MACROD1: variants seen among roughly 807,000 people sequenced by gnomAD.
The protein encoded by MACROD1 is ADP-ribose glycohydrolase MACROD1.
In MACROD1, 31 loss-of-function variants were observed where a neutral mutation model predicts 41.4. The observed-to-expected ratio is 0.75, with a 90% CI of 0.56 to 1.01. The LOEUF (loss-of-function observed/expected upper bound fraction) is 1.01, where lower values mean the gene tolerates loss of function less well. MACROD1 is among the 50% of genes least tolerant of loss of function. The pLI is 0.00. For synonymous variants in MACROD1, 252 were observed against 203.4 expected (o/e 1.24, Z -2.03); for missense variants, 473 against 460.0 (o/e 1.03, Z -0.26).
intron 3 of MACROD1, among the ~76,000 whole-genome samples, chr11:64,093,759 G>A (rs529126444): frequency 3.2e-4 from 49 of 152,322 alleles, no homozygotes; most frequent in Middle Eastern, 3.4e-3. Flanking sequence ...GTGTCTCTAA[G>A]AGCCCAGAAC....
intron 3 of MACROD1, among the ~76,000 whole-genome samples, chr11:64,143,753 T>TACACACACACAC (rs55995667): frequency 0.02 from 2,063 of 101,612 alleles, 173 homozygotes; most frequent in East Asian, 0.054. Flanking sequence ...GACACACACA[T>TACACACACACAC]ACACACACAC....
chr11:64,055,502 C>T (rs1466733015), intron 3 of MACROD1, among the ~76,000 whole-genome samples: 2 of 152,146 alleles, frequency 1.3e-5, no homozygotes, highest in African/African-American at 4.8e-5. Flanking sequence ...GCTCCCCTGC[C>T]CCATTAGGGG....
At chr11:64,093,094 A>AC (rs1944518873) in intron 3 of MACROD1, among the ~76,000 whole-genome samples, 2 of 152,152 alleles carry the variant, frequency 1.3e-5, no homozygotes, top group African/African-American at 2.4e-5. Flanking sequence ...CCCCTGTGGG[A>AC]CCCTGGGCAG....
At chr11:64,117,446 G>C (rs747777424) in intron 3 of MACROD1, 1 of 1,613,104 alleles carries the variant, frequency 6.2e-7, no homozygotes. Flanking sequence ...CGGCTGCCAA[G>C]ACCACGGCCA....
intron 3 of MACROD1, among the ~76,000 whole-genome samples, chr11:64,114,751 A>C (rs1944945016): frequency 6.6e-6 from 1 of 152,086 alleles, no homozygotes; most frequent in African/African-American, 2.4e-5. Flanking sequence ...GGACAGGTCC[A>C]TGCATGAATT....
At chr11:64,035,999 G>C (rs1943372662) in intron 3 of MACROD1, 1 of 150,362 alleles carries the variant, frequency 6.7e-6, no homozygotes, top group South Asian at 2.0e-4. Context: ...CCCCGCTCCG[G>C]GCCCGCCACC....
Position 64,036,806 on chromosome 11 carries a change from C to A in MACROD1, c.518-21525G>T, listed in dbSNP as rs1943390064. ...ACCATGGTGCCTGGGCGGGGGGCGGCGGGCACCCCCCATCCCCCAGCTCTC... is the reference window on the plus strand; with the variant it reads ...ACCATGGTGCCTGGGCGGGGGGCGGAGGGCACCCCCCATCCCCCAGCTCTC... On this transcript the variant is annotated intron_variant, in intron 3 of 10. Coordinates refer to ENST00000255681, the MANE Select transcript of MACROD1 (RefSeq NM_014067.4). This position sits in a 1 kb window ranked among gnomAD's most constrained non-coding sequence, Gnocchi z 5.6. 6.6e-6 allele frequency among the ~76,000 whole-genome samples: 1 copy of A among 152,128 alleles called. No individual in the cohort carries two copies.
chr11:64,057,078 G>A (rs528834791), intron 3 of MACROD1, among the ~76,000 whole-genome samples: 8 of 152,218 alleles, frequency 5.3e-5, no homozygotes, highest in African/African-American at 1.9e-4. Flanking sequence ...AGCCTGCGTC[G>A]CACCAGCTCT....
At chr11:64,131,713 C>G (rs1358938126) in intron 3 of MACROD1, among the ~76,000 whole-genome samples, 1 of 152,182 alleles carries the variant, frequency 6.6e-6, no homozygotes, top group Non-Finnish European at 1.5e-5. Context: ...CCAACCAAGC[C>G]TTTATTGAGC....
chr11:64,010,685 G>GTATT (rs1942996612), intron 4 of MACROD1, among the ~76,000 whole-genome samples: 1 of 150,624 alleles, frequency 6.6e-6, no homozygotes, highest in African/African-American at 2.4e-5. Context: ...GTTGGTTGGG[G>GTATT]TGTTGGCTGG....
At chr11:64,117,834 G>A (rs1320011280) in intron 3 of MACROD1, 2 of 1,614,198 alleles carry the variant, frequency 1.2e-6, no homozygotes, top group Non-Finnish European at 1.7e-6. Flanking sequence ...TGAGACACCC[G>A]TGTGTGCCAA....
chr11:64,032,961 C>T (rs952069550), intron 3 of MACROD1, among the ~76,000 whole-genome samples: 1 of 151,738 alleles, frequency 6.6e-6, no homozygotes, highest in Non-Finnish European at 1.5e-5. Context: ...GTCCCCCACT[C>T]TAACCAAGAA....
At chr11:64,066,579 T>C (rs1270893409) in intron 3 of MACROD1, among the ~76,000 whole-genome samples, 2 of 150,710 alleles carry the variant, frequency 1.3e-5, no homozygotes, top group East Asian at 3.9e-4. Flanking sequence ...TGATCCTACC[T>C]GTGAATAGCC....
intron 3 of MACROD1, among the ~76,000 whole-genome samples, chr11:64,145,083 C>T (rs1164194960): frequency 6.6e-6 from 1 of 152,184 alleles, no homozygotes; most frequent in Non-Finnish European, 1.5e-5. Context: ...CAGGGGCTGC[C>T]GGTGCTTGGG....
intron 3 of MACROD1, among the ~76,000 whole-genome samples, chr11:64,023,159 C>T (rs2134352658): frequency 6.6e-6 from 1 of 152,272 alleles, no homozygotes; most frequent in South Asian, 2.1e-4. Flanking sequence ...CACGCCTGGC[C>T]TCCACATGGA....
At chr11:64,059,276 C>T (rs1253285252) in intron 3 of MACROD1, among the ~76,000 whole-genome samples, 1 of 152,178 alleles carries the variant, frequency 6.6e-6, no homozygotes, top group Non-Finnish European at 1.5e-5. Flanking sequence ...AGGTGCCGCC[C>T]TGTGAAGAGG....
At chr11:64,138,121 C>T (rs1264988069) in intron 3 of MACROD1, among the ~76,000 whole-genome samples, 8 of 152,154 alleles carry the variant, frequency 5.3e-5, no homozygotes, top group Non-Finnish European at 1.2e-4. Flanking sequence ...AGGTGTATCC[C>T]GGCCAAGGTC....
intron 3 of MACROD1, among the ~76,000 whole-genome samples, chr11:64,128,561 G>A (rs1465294141): frequency 6.6e-6 from 1 of 152,058 alleles, no homozygotes; most frequent in African/African-American, 2.4e-5. Context: ...GCCTGAGGTA[G>A]ACAGGAGGGC....
chr11:64,118,094 C>G (rs767312186), intron 3 of MACROD1: 1 of 1,611,752 alleles, frequency 6.2e-7, no homozygotes, highest in Non-Finnish European at 8.5e-7. Flanking sequence ...AGAAGGATAA[C>G]TCCATCCTGG....
Sources: allele counts gnomAD v4.1 joint callset (sites outside exome capture counted in the v4.1 genomes callset), GRCh38; gene constraint gnomAD v4.1.1; non-coding constraint Gnocchi (gnomAD v3.1); transcripts MANE v1.5; gene names NCBI Gene and HGNC (gene_info 2026-07-23, HGNC 2026-07-21).